Variants in WWOX observed in about 807,000 individuals in gnomAD.
The protein encoded by WWOX is WW domain-containing oxidoreductase.
In WWOX, 69 loss-of-function variants were observed where a neutral mutation model predicts 46.2. That is an observed-to-expected ratio of 1.49 (90% CI 1.23 to 1.82). WWOX has a LOEUF of 1.82. Ranked by LOEUF, WWOX falls within the 40% of genes most tolerant of loss-of-function variation. The pLI is 0.00. For synonymous variants in WWOX, 359 were observed against 202.6 expected, an observed-to-expected ratio of 1.77 and a Z score of -6.56; for missense variants, 919 against 542.6, an observed-to-expected ratio of 1.69 and a Z score of -6.89.
At chr16:78,219,132 T>C (rs2036811973) in intron 5 of WWOX, among the ~76,000 whole-genome samples, 1 of 152,000 alleles carries the variant, frequency 6.6e-6, no homozygotes, top group African/African-American at 2.4e-5. Flanking sequence ...TCCTACATGA[T>C]AGAGACTAGG....
chr16:79,054,434 T>C (rs2048225372), intron 8 of WWOX, among the ~76,000 whole-genome samples: 1 of 152,238 alleles, frequency 6.6e-6, no homozygotes. Flanking sequence ...CATTTCAAGA[T>C]GACAACAGGG....
At position 78,343,304 on chromosome 16, in the gene WWOX, A is replaced by T. The variant is rs573699286; in HGVS notation, c.517-43556A>T. ...GTGCTGATTGAGCAAACTAATCCAT[A>T]ACCCACCGCCACGTTCCTCGCCTAC... On this transcript the variant is annotated intron_variant, in intron 5 of 8. Coordinates refer to ENST00000566780, the MANE Select transcript of WWOX (RefSeq NM_016373.4). Among the ~76,000 whole-genome samples, 6 of 120,034 alleles carry T rather than the reference A, an allele frequency of 5.0e-5. 2 individuals are homozygous for T. Among genetic ancestry groups the T allele is most frequent in the Non-Finnish European group, 1.2e-4 (6 of 50,310 alleles). The allele number at this position is 120,034 out of a possible 152,430, so 78.7% of individuals were successfully genotyped here. A position where few individuals can be genotyped will look rare whatever the true frequency, so the allele number is the denominator to read the frequency against.
At chr16:78,681,326 G>A (rs553600818) in intron 8 of WWOX, among the ~76,000 whole-genome samples, 2 of 152,152 alleles carry the variant, frequency 1.3e-5, no homozygotes, top group Non-Finnish European at 2.9e-5. Flanking sequence ...GATGGCTTGA[G>A]CCCAGAGGTA....
chr16:79,190,855 C>T (rs1210760107), intron 8 of WWOX, among the ~76,000 whole-genome samples: 2 of 152,208 alleles, frequency 1.3e-5, no homozygotes, highest in Admixed American at 6.5e-5. Flanking sequence ...AAAATATTTA[C>T]TATCTGCCCT....
At chr16:78,458,258 G>GTTT (rs78333090) in intron 8 of WWOX, among the ~76,000 whole-genome samples, 3 of 120,956 alleles carry the variant, frequency 2.5e-5, no homozygotes, top group Admixed American at 8.8e-5. Context: ...CATTGGTATA[G>GTTT]TTTTTTTTTT....
intron 5 of WWOX, among the ~76,000 whole-genome samples, chr16:78,379,983 G>A (rs76304635): frequency 6.6e-6 from 1 of 152,354 alleles, no homozygotes; most frequent in East Asian, 1.9e-4. Flanking sequence ...TTCATCTTTA[G>A]AGGCAGTGTT....
Position 79,155,565 on chromosome 16 carries a change from C to T in WWOX, c.1057-56043C>T, listed in dbSNP as rs574166483. On this transcript the variant is annotated intron_variant, in intron 8 of 8. Transcript: ENST00000566780. ...ACAGCAGGAAAAACTACATGGTTGG[C>T]TGGATTTGGCCAAGTTGACATAGAG... Among the ~76,000 whole-genome samples the T allele has an allele frequency of 4.6e-5, 7 of 152,104 alleles. No homozygotes were observed. The South Asian group carries it at 6.2e-4, about 14-fold the overall frequency.
At chr16:78,320,925 C>T (rs1301621922) in intron 5 of WWOX, among the ~76,000 whole-genome samples, 1 of 152,086 alleles carries the variant, frequency 6.6e-6, no homozygotes, top group East Asian at 1.9e-4. Context: ...GCTTTGGGCG[C>T]CAGACTGCAC....
chr16:78,552,519 T>G (rs527592641), intron 8 of WWOX: 5 of 152,294 alleles, frequency 3.3e-5, no homozygotes, highest in African/African-American at 1.2e-4. Context: ...GAGGGAGCGA[T>G]GAGTAGAGGA....
rs1237718369 is a variant in WWOX at position 78,215,985 on chromosome 16, C to T, written c.516+51696C>T. Among the ~76,000 whole-genome samples, 13 of 152,000 alleles carry T rather than the reference C, an allele frequency of 8.6e-5. 1 individual carries two copies. Among genetic ancestry groups the T allele is most frequent in the Admixed American group, 3.9e-4 (6 of 15,254 alleles). The stretch of plus-strand genomic sequence containing the variant: ...TGAGATATTGGGACTGTTCTTATTC[C>T]CATTTCACAGATGAGCCACTAACTG... On this transcript the variant is annotated intron_variant, in intron 5 of 8. Coordinates refer to ENST00000566780, the MANE Select transcript of WWOX (RefSeq NM_016373.4).
At chr16:78,719,824 A>G (rs1468800890) in intron 8 of WWOX, among the ~76,000 whole-genome samples, 5 of 152,184 alleles carry the variant, frequency 3.3e-5, no homozygotes, top group Non-Finnish European at 5.9e-5. Context: ...ACCAATCAAA[A>G]ACAAACAAAT....
In WWOX at chr16:79,064,743, A is replaced by G. The variant is rs143401384; in HGVS notation, c.1057-146865A>G. ...TGTACAATTCATGGGCTACTATTCC[A>G]TGTGTGTGGGTCAGGAGACGCTTAA... On this transcript the variant is annotated intron_variant, in intron 8 of 8. Transcript: ENST00000566780. Among the ~76,000 whole-genome samples the G allele has an allele frequency of 5.5e-4, 84 of 152,304 alleles. 1 individual carries two copies. The East Asian group carries it at 0.014, about 26-fold the overall frequency.
At chr16:78,924,832 T>G (rs116426716) in intron 8 of WWOX, among the ~76,000 whole-genome samples, 1,972 of 152,310 alleles carry the variant, frequency 0.013, 24 homozygotes, top group South Asian at 0.054. Flanking sequence ...TGTCAACATA[T>G]GTGTGAAAAT....
chr16:78,987,279 G>A (rs917114657), intron 8 of WWOX, among the ~76,000 whole-genome samples: 6 of 152,186 alleles, frequency 3.9e-5, no homozygotes. Context: ...TAGGTTCCAT[G>A]ATCTTTGGCA....
chr16:78,353,761 C>T (rs1216463408), intron 5 of WWOX, among the ~76,000 whole-genome samples: 1 of 143,296 alleles, frequency 7.0e-6, no homozygotes, highest in South Asian at 2.2e-4. Flanking sequence ...TGCCTTTGCT[C>T]AGAGCCACAT....
intron 8 of WWOX, among the ~76,000 whole-genome samples, chr16:79,208,366 T>C (rs750966038): frequency 7.5e-6 from 1 of 134,060 alleles, no homozygotes; most frequent in East Asian, 2.0e-4. Flanking sequence ...AGGCTTCTGA[T>C]AAATGATTGA....
chr16:78,123,851 T>C lies in WWOX; in HGVS notation c.409+8697T>C, dbSNP rs187713232. 227 of 152,322 alleles carry C rather than the reference T, an allele frequency of 1.5e-3. 3 individuals are homozygous for C. Among genetic ancestry groups the C allele is most frequent in the African/African-American group, 5.3e-3 (222 of 41,574 alleles). The allele number at this position is 152,322 out of a possible 1,614,324, so 9.4% of individuals were successfully genotyped here. A position where few individuals can be genotyped will look rare whatever the true frequency, so the allele number is the denominator to read the frequency against. On this transcript the variant is annotated intron_variant, in intron 4 of 8. Transcript: ENST00000566780. ...TTATTGTAATTAAATTGTTTATTAA[T>C]GATACATTCTTGCTGTAGAAGAAAA...
intron 8 of WWOX, among the ~76,000 whole-genome samples, chr16:78,946,229 C>T (rs1450397145): frequency 7.0e-4 from 106 of 152,224 alleles, no homozygotes. Context: ...CTTGCTCTGT[C>T]GCCCAGGATG....
At chr16:78,621,627 C>G (rs2046189003) in intron 8 of WWOX, among the ~76,000 whole-genome samples, 1 of 21,708 alleles carries the variant, frequency 4.6e-5, no homozygotes, top group African/African-American at 1.7e-4. Context: ...TTTTTTGAGA[C>G]AGAGTCTTGC....
Sources: allele counts gnomAD v4.1 joint callset (sites outside exome capture counted in the v4.1 genomes callset), GRCh38; gene constraint gnomAD v4.1.1; transcripts MANE v1.5; gene names NCBI Gene and HGNC (gene_info 2026-07-23, HGNC 2026-07-21).